CAP2: variants seen among roughly 807,000 people sequenced by gnomAD.
CAP2 encodes the protein adenylyl cyclase-associated protein 2.
CAP2 carries 24 observed loss-of-function variants against 57.7 expected under a neutral mutation model. The observed-to-expected ratio is 0.42, with a 90% CI of 0.30 to 0.58. CAP2 has a LOEUF of 0.58. CAP2 is among the 20% of genes least tolerant of loss of function. The probability of loss-of-function intolerance (pLI) is 0.22; values close to 1 mark genes in which losing one functional copy is unlikely to be tolerated. For missense variants in CAP2, 501 were observed against 590.3 expected, an observed-to-expected ratio of 0.85 and a Z score of 1.57; for synonymous variants, 194 against 207.2, an observed-to-expected ratio of 0.94 and a Z score of 0.55.
At chr6:17,554,612 C>T (rs1281377560) in intron 12 of CAP2, among the ~76,000 whole-genome samples, 1 of 152,216 alleles carries the variant, frequency 6.6e-6, no homozygotes, top group Admixed American at 6.5e-5. Flanking sequence ...ACAGTTGGAT[C>T]CTACATCTAG....
intron 3 of CAP2, among the ~76,000 whole-genome samples, chr6:17,440,970 T>C (rs1760057548): frequency 6.6e-6 from 1 of 151,370 alleles, no homozygotes. Context: ...GGTTTCCAGC[T>C]TCATCCGTGT....
At chr6:17,408,651 G>A (rs2113513667) in intron 1 of CAP2, among the ~76,000 whole-genome samples, 1 of 147,718 alleles carries the variant, frequency 6.8e-6, no homozygotes, top group South Asian at 2.1e-4. Flanking sequence ...TATATGAAAT[G>A]ATAGCCTCCT....
chr6:17,440,645 G>GTT (rs57079915), intron 3 of CAP2, among the ~76,000 whole-genome samples: 3 of 149,876 alleles, frequency 2.0e-5, no homozygotes, highest in African/African-American at 7.5e-5. Context: ...GTGTGTGTGT[G>GTT]GTCATTTTAA....
intron 7 of CAP2, among the ~76,000 whole-genome samples, chr6:17,527,858 C>T (rs1322153617): frequency 6.6e-6 from 1 of 152,198 alleles, no homozygotes; most frequent in African/African-American, 2.4e-5. Flanking sequence ...CTGCCTTGGC[C>T]TCCCAAAGTG....
intron 3 of CAP2, among the ~76,000 whole-genome samples, chr6:17,461,674 A>G (rs1255738046): frequency 2.6e-5 from 4 of 152,072 alleles, no homozygotes; most frequent in African/African-American, 9.7e-5. Flanking sequence ...TTTTCTTGGT[A>G]CACTTCTGTA....
In CAP2 at chr6:17,551,562, G is replaced by A. The variant is rs201463917; in HGVS notation, c.1308G>A (p.Lys436=). 5.6e-6 allele frequency: 9 copies of A among 1,612,508 alleles called. No individual in the cohort carries two copies. In the Admixed American group the frequency reaches 1.3e-4, roughly 24 times the overall value. ...TAGACTGTGAGATCGTGAGCGCCAA[G>A]TCATCTGAAATGAACATACTTATCC... ...DALDCEIVSA[K]SSEMNILIPQ... is the part of the protein sequence containing the mutation. Residue 436 remains lysine, a synonymous_variant, in exon 12 of 13, where the codon AAG becomes AAA. Transcript: ENST00000229922.
chr6:17,486,873 C>T (rs1761432241), intron 4 of CAP2, among the ~76,000 whole-genome samples: 1 of 149,264 alleles, frequency 6.7e-6, no homozygotes, highest in South Asian at 2.1e-4. Flanking sequence ...GAAGTGCTCA[C>T]ACAACACACC....
intron 4 of CAP2, among the ~76,000 whole-genome samples, chr6:17,470,569 T>C (rs1429048117): frequency 2.0e-5 from 3 of 152,192 alleles, no homozygotes; most frequent in African/African-American, 2.4e-5. Context: ...GGCACCCAAC[T>C]CCTCTAATTC....
At chr6:17,444,804 C>CACACACACA (rs1760206563) in intron 3 of CAP2, among the ~76,000 whole-genome samples, 16 of 140,520 alleles carry the variant, frequency 1.1e-4, no homozygotes, top group South Asian at 2.4e-4. Flanking sequence ...TTCTCTCTCT[C>CACACACACA]CACACACACA....
rs528446762 is a variant in CAP2, at chr6:17,501,059, G to A, written c.301-6110G>A. 2.0e-5 allele frequency among the ~76,000 whole-genome samples: 3 copies of A among 152,254 alleles called. No individual in the cohort carries two copies. In the East Asian group the frequency reaches 5.8e-4, roughly 29 times the overall value. On this transcript the variant is annotated intron_variant, in intron 4 of 12. Transcript: ENST00000229922. ...ATGCTTTTAAGTTTGAGTTGTAGTG[G>A]TAATGCAAATGTCATTACCTTGAAA...
intron 7 of CAP2, among the ~76,000 whole-genome samples, chr6:17,519,360 G>T (rs1335452537): frequency 6.7e-6 from 1 of 150,182 alleles, no homozygotes; most frequent in Admixed American, 6.6e-5. Flanking sequence ...GGGGTGGGGT[G>T]AGTTGGGTGG....
chr6:17,446,360 A>G (rs1760256316), intron 3 of CAP2, among the ~76,000 whole-genome samples: 1 of 152,216 alleles, frequency 6.6e-6, no homozygotes, highest in African/African-American at 2.4e-5. Context: ...ATTCCTTTCT[A>G]CTTTAGATAC....
At chr6:17,448,911 A>G (rs1760333512) in intron 3 of CAP2, among the ~76,000 whole-genome samples, 1 of 151,966 alleles carries the variant, frequency 6.6e-6, no homozygotes, top group South Asian at 2.1e-4. Flanking sequence ...ACAGACACCC[A>G]CCACCACGCC....
At position 17,553,661 on chromosome 6, in the gene CAP2, T is replaced by C. The variant is rs181518402; in HGVS notation, c.1350+2057T>C. On this transcript the variant is annotated intron_variant, in intron 12 of 12. Coordinates refer to ENST00000229922, the MANE Select transcript of CAP2 (RefSeq NM_006366.3). Reference sequence around the variant, plus strand: ...AAAAAAAAAAAAACAAGATCTTGCCTCTTACAGGTCAATTACCTTGTGGCC... The same window carrying C: ...AAAAAAAAAAAAACAAGATCTTGCCCCTTACAGGTCAATTACCTTGTGGCC... Among the ~76,000 whole-genome samples the C allele has an allele frequency of 1.9e-3, 289 of 149,886 alleles. 5 individuals are homozygous for C. Among genetic ancestry groups the C allele is most frequent in the African/African-American group, 6.5e-3 (266 of 40,692 alleles).
At chr6:17,462,395 C>T (rs1760752781) in intron 3 of CAP2, among the ~76,000 whole-genome samples, 2 of 152,116 alleles carry the variant, frequency 1.3e-5, no homozygotes, top group Non-Finnish European at 2.9e-5. Context: ...CATTTTTTAA[C>T]AGCTTTATTG....
At chr6:17,443,641 T>C (rs1760158880) in intron 3 of CAP2, among the ~76,000 whole-genome samples, 1 of 151,912 alleles carries the variant, frequency 6.6e-6, no homozygotes, top group South Asian at 2.1e-4. Flanking sequence ...CCTCATGATA[T>C]TGTATTGGCT....
intron 3 of CAP2, among the ~76,000 whole-genome samples, chr6:17,456,194 G>A (rs182149868): frequency 3.3e-5 from 5 of 152,270 alleles, no homozygotes; most frequent in African/African-American, 9.6e-5. Flanking sequence ...CCGGAGATGC[G>A]ACTCAACAAT....
chr6:17,539,059 G>A (rs1033083134), intron 7 of CAP2, among the ~76,000 whole-genome samples: 2 of 152,158 alleles, frequency 1.3e-5, no homozygotes, highest in African/African-American at 4.8e-5. Flanking sequence ...GGGCCACACA[G>A]CTAAGTCATG....
chr6:17,503,313 A>G (rs745377039), intron 4 of CAP2, among the ~76,000 whole-genome samples: 3 of 152,126 alleles, frequency 2.0e-5, no homozygotes, highest in Admixed American at 6.5e-5. Context: ...CTCTTCTTAT[A>G]AAGACACCAG....
Sources: allele counts gnomAD v4.1 joint callset (sites outside exome capture counted in the v4.1 genomes callset), GRCh38; gene constraint gnomAD v4.1.1; transcripts MANE v1.5; gene names NCBI Gene and HGNC (gene_info 2026-07-23, HGNC 2026-07-21).